TNFSF4: variants seen among roughly 807,000 people sequenced by gnomAD.
TNFSF4 encodes TNF superfamily member 4.
Under a neutral mutation model 7.3 loss-of-function variants are expected in TNFSF4, and 4 were observed. The ratio of observed to expected loss-of-function variants is 0.55; its 90% CI spans 0.27 to 1.25. The LOEUF is 1.25. TNFSF4 is among the 50% of genes most tolerant of loss of function. TNFSF4 has a pLI of 0.12. For missense variants in TNFSF4, 181 were observed against 208.8 expected (o/e 0.87, Z 0.82); for synonymous variants, 76 against 83.7 (o/e 0.91, Z 0.50).
At chr1:173,354,536 A>G in the TNFSF4 span, among the ~76,000 whole-genome samples, 6 of 152,196 alleles carry the variant, frequency 3.9e-5, no homozygotes, top group East Asian at 5.8e-4. Flanking sequence ...AGATACAACA[A>G]AAAAAGGAAA....
At chr1:173,346,849 T>C in the TNFSF4 span, among the ~76,000 whole-genome samples, 12 of 152,066 alleles carry the variant, frequency 7.9e-5, no homozygotes, top group Non-Finnish European at 1.2e-4. Context: ...GCATCACAGG[T>C]AAACTAAAGA....
the TNFSF4 span, among the ~76,000 whole-genome samples, chr1:173,329,468 C>T: frequency 1.3e-5 from 2 of 152,004 alleles, no homozygotes; most frequent in Non-Finnish European, 2.9e-5. Context: ...AGATGCAAAG[C>T]CCATGGTTAA....
chr1:173,210,926 A>T (rs1052330794), upstream of TNFSF4, among the ~76,000 whole-genome samples: 2 of 152,158 alleles, frequency 1.3e-5, no homozygotes, highest in African/African-American at 4.8e-5. Context: ...ACAAAGGTGA[A>T]CTTTGCTTCC....
In TNFSF4 at chr1:173,207,210, T is replaced by C; in HGVS notation, c.-34A>G. ...TCTGGGTAGAGGGAAGATGAAGATA[T>C]GGAAAAGGGGAACGTGCGATAAAAC... On this transcript the variant is annotated 5_prime_UTR_variant, in exon 1 of 3. Transcript: ENST00000281834. The C allele has an allele frequency of 6.3e-7, 1 of 1,576,608 alleles. No individual in the cohort carries two copies. The highest frequency in any genetic ancestry group is 8.7e-7 in the Non-Finnish European group (1 of 1,152,180).
At chr1:173,295,638 G>T in the TNFSF4 span, among the ~76,000 whole-genome samples, 1 of 151,970 alleles carries the variant, frequency 6.6e-6, no homozygotes, top group Non-Finnish European at 1.5e-5. Context: ...GGCCTGAAGA[G>T]AGCTGACATA....
At chr1:173,344,742 A>C in the TNFSF4 span, among the ~76,000 whole-genome samples, 35 of 152,342 alleles carry the variant, frequency 2.3e-4, no homozygotes, top group Admixed American at 2.0e-3. Flanking sequence ...GACCAAGTTC[A>C]TTACGAGAGG....
the TNFSF4 span, among the ~76,000 whole-genome samples, chr1:173,323,189 T>G: frequency 6.6e-6 from 1 of 152,260 alleles, no homozygotes; most frequent in Admixed American, 6.5e-5. Context: ...GAGACAAAAC[T>G]TCCAGAGGAA....
chr1:173,422,398 G>T, the TNFSF4 span, among the ~76,000 whole-genome samples: 2 of 150,650 alleles, frequency 1.3e-5, no homozygotes, highest in Non-Finnish European at 3.0e-5. Context: ...ACCATGTCAT[G>T]AGTGAGTGCT....
chr1:173,368,499 C>A, the TNFSF4 span, among the ~76,000 whole-genome samples: 1 of 152,144 alleles, frequency 6.6e-6, no homozygotes, highest in Non-Finnish European at 1.5e-5. Flanking sequence ...ATACCAGGCA[C>A]CTGTTGGCCA....
At chr1:173,388,717 T>A in the TNFSF4 span, among the ~76,000 whole-genome samples, 4 of 152,264 alleles carry the variant, frequency 2.6e-5, no homozygotes, top group Admixed American at 2.6e-4. Flanking sequence ...AAAACATAAT[T>A]ATTTTTCATG....
At position 173,186,443 on chromosome 1, in the gene TNFSF4, A is replaced by C. The variant is rs540398924; in HGVS notation, c.*73T>G. The C allele has an allele frequency of 1.6e-6, 2 of 1,288,216 alleles. No homozygotes were observed. The highest frequency in any genetic ancestry group is 4.7e-5 in the East Asian group (2 of 42,810). The allele number at this position is 1,288,216 out of a possible 1,614,324, so 79.8% of individuals were successfully genotyped here. A position where few individuals can be genotyped will look rare whatever the true frequency, so the allele number is the denominator to read the frequency against. ...TGGGAGGCTCCTTCACTTGCAATGA[A>C]GAATCCATGCCCTGTCCACCCCCAG... On this transcript the variant is annotated 3_prime_UTR_variant, in exon 3 of 3. Transcript: ENST00000281834.
At chr1:173,228,647 T>C in the TNFSF4 span, among the ~76,000 whole-genome samples, 1 of 152,160 alleles carries the variant, frequency 6.6e-6, no homozygotes, top group Admixed American at 6.5e-5. Flanking sequence ...AAGGAGGAAT[T>C]TTGAACCCAT....
the TNFSF4 span, among the ~76,000 whole-genome samples, chr1:173,367,450 A>G: frequency 6.6e-6 from 1 of 152,280 alleles, no homozygotes; most frequent in South Asian, 2.1e-4. Flanking sequence ...AAAATACATA[A>G]ATACCTCCCA....
Position 173,186,348 on chromosome 1 carries a change from T to G in TNFSF4, c.*168A>C. The G allele has an allele frequency of 1.7e-6, 1 of 574,398 alleles. No individual in the cohort carries two copies. Among genetic ancestry groups the G allele is most frequent in the Non-Finnish European group, 3.1e-6 (1 of 326,702 alleles). 35.6% of individuals were successfully genotyped at this position (574,398 alleles called of 1,614,324 possible). A position where few individuals can be genotyped will look rare whatever the true frequency, so the allele number is the denominator to read the frequency against. ...GATTAACTGGTATATAAAATAAGTTTTAAATATCCCTGAGGGGTGGGGGCG... is the reference window on the plus strand; with the variant it reads ...GATTAACTGGTATATAAAATAAGTTGTAAATATCCCTGAGGGGTGGGGGCG... On this transcript the variant is annotated 3_prime_UTR_variant, in exon 3 of 3. Transcript: ENST00000281834.
chr1:173,285,986 C>T, the TNFSF4 span, among the ~76,000 whole-genome samples: 1 of 152,016 alleles, frequency 6.6e-6, no homozygotes, highest in Non-Finnish European at 1.5e-5. Flanking sequence ...GACCGCTGAC[C>T]AATATGAAAA....
the TNFSF4 span, among the ~76,000 whole-genome samples, chr1:173,219,828 A>G: frequency 6.6e-6 from 1 of 152,324 alleles, no homozygotes; most frequent in East Asian, 1.9e-4. Context: ...GTTCTTGCTC[A>G]TAAGTGGGAG....
the TNFSF4 span, among the ~76,000 whole-genome samples, chr1:173,177,760 G>A: frequency 0.11 from 16,067 of 152,088 alleles, 994 homozygotes; most frequent in Admixed American, 0.16. Context: ...AGAGAAACTT[G>A]TTATTATGGA....
the TNFSF4 span, among the ~76,000 whole-genome samples, chr1:173,300,187 A>G: frequency 2.6e-5 from 4 of 151,638 alleles, no homozygotes; most frequent in Non-Finnish European, 4.4e-5. Context: ...ATACATACAT[A>G]CATACATACA....
downstream of TNFSF4, among the ~76,000 whole-genome samples, chr1:173,180,435 G>A (rs1649035548): frequency 6.6e-6 from 1 of 152,102 alleles, no homozygotes. Context: ...TGGATGAATG[G>A]ATAAAGTATC....
Sources: gnomAD v4.1 joint callset for allele counts (sites outside exome capture counted in the v4.1 genomes callset) on GRCh38, gnomAD v4.1.1 for gene constraint, MANE v1.5 for transcripts, NCBI Gene and HGNC (gene_info 2026-07-23, HGNC 2026-07-21) for gene names.